The following BRIP1 variants were observed in gnomAD, a reference collection of about 807,000 sequenced individuals.
BRIP1 encodes the protein Fanconi anemia group J protein.
Under a neutral mutation model 119.7 loss-of-function variants are expected in BRIP1, and 88 were observed. That is an observed-to-expected ratio of 0.74 (90% CI 0.62 to 0.88). The LOEUF is 0.88. BRIP1 is among the 40% of genes least tolerant of loss of function. BRIP1 has a pLI of 0.00. For missense variants in BRIP1, 1,259 were observed against 1,455.4 expected (o/e 0.87, Z 2.20); for synonymous variants, 443 against 496.5 (o/e 0.89, Z 1.43).
In BRIP1 at chr17:61,776,652, G is replaced by T; in HGVS notation, c.1936-90C>A. 1 of 1,359,274 alleles carries T rather than the reference G, an allele frequency of 7.4e-7. No individual in the cohort carries two copies. Among genetic ancestry groups the T allele is most frequent in the Non-Finnish European group, 1.0e-6 (1 of 954,028 alleles). The allele number at this position is 1,359,274 out of a possible 1,614,324, so 84.2% of individuals were successfully genotyped here. A position where few individuals can be genotyped will look rare whatever the true frequency, so the allele number is the denominator to read the frequency against. ...TGGAAGTATGTACATAAAAGATCAA[G>T]CAACAAGTTTAACAATTTATTTTTA... is the stretch of plus-strand genomic sequence containing the variant. On this transcript the variant is annotated intron_variant, in intron 13 of 19. Transcript: ENST00000259008. This position sits in a 1 kb window ranked among gnomAD's most constrained non-coding sequence, Gnocchi z 5.0.
At chr17:61,788,322 A>G (rs2077764702) in intron 10 of BRIP1, among the ~76,000 whole-genome samples, 1 of 152,096 alleles carries the variant, frequency 6.6e-6, no homozygotes, top group East Asian at 1.9e-4. Context: ...AATTTTATTG[A>G]AAGATAGGAA....
chr17:61,772,051 A>G (rs2077456280), intron 14 of BRIP1, among the ~76,000 whole-genome samples: 1 of 151,444 alleles, frequency 6.6e-6, no homozygotes. Context: ...AAGGTCACAA[A>G]TAGATATTTG....
In BRIP1 at chr17:61,759,040, A is replaced by AAATAAATAAATG. The variant is rs1405606072; in HGVS notation, c.2098-14450_2098-14449insCATTTATTTATT. Among the ~76,000 whole-genome samples, 1 of 151,300 alleles carries AAATAAATAAATG rather than the reference A, an allele frequency of 6.6e-6. No homozygotes were observed. Among genetic ancestry groups the AAATAAATAAATG allele is most frequent in the Non-Finnish European group, 1.5e-5 (1 of 67,856 alleles). On this transcript the variant is annotated intron_variant, in intron 14 of 19. Coordinates refer to ENST00000259008, the MANE Select transcript of BRIP1 (RefSeq NM_032043.3). The surrounding 1 kb of genome is among the most constrained non-coding windows in gnomAD (Gnocchi z 4.9). The stretch of plus-strand genomic sequence containing the variant: ...TAAATAAATAAATAAATAAATAAAT[A>AAATAAATAAATG]AATGGCAGTAATAACTCTTTACCTT...
chr17:61,851,224 T>C lies in BRIP1; in HGVS notation c.380-1968A>G, dbSNP rs561398193. On this transcript the variant is annotated intron_variant, in intron 4 of 19. Coordinates refer to ENST00000259008, the MANE Select transcript of BRIP1 (RefSeq NM_032043.3). The surrounding 1 kb of genome is among the most constrained non-coding windows in gnomAD (Gnocchi z 4.6). ...GCCTAGGTGACAGAACGAGACTCCA[T>C]CTCAAAAAAAGAAAAAAAAAGAAAT... is the stretch of plus-strand genomic sequence containing the variant. Among the ~76,000 whole-genome samples, 1 of 151,802 alleles carries C rather than the reference T, an allele frequency of 6.6e-6. No homozygotes were observed. The highest frequency in any genetic ancestry group is 6.6e-5 in the Admixed American group (1 of 15,252).
rs559096893 is a variant in BRIP1, at chr17:61,715,833, T to G, written c.2492+118A>C. On this transcript the variant is annotated intron_variant, in intron 17 of 19. Coordinates refer to ENST00000259008, the MANE Select transcript of BRIP1 (RefSeq NM_032043.3). Reference sequence around the variant, plus strand: ...CTATCATTGAATACATACCAGTTCCTATGGTTCCAGTTAAATAAAATTTTA... The same window carrying G: ...CTATCATTGAATACATACCAGTTCCGATGGTTCCAGTTAAATAAAATTTTA... The G allele has an allele frequency of 9.3e-5, 59 of 636,062 alleles. 1 individual carries two copies. Among genetic ancestry groups the G allele is most frequent in the Middle Eastern group, 6.3e-4 (2 of 3,200 alleles). 39.4% of individuals were successfully genotyped at this position (636,062 alleles called of 1,614,324 possible). A position where few individuals can be genotyped will look rare whatever the true frequency, so the allele number is the denominator to read the frequency against.
In BRIP1 at chr17:61,683,979, G is replaced by A. The variant is rs2144089488; in HGVS notation, c.3067C>T (p.Leu1023Phe). 6.2e-7 allele frequency: 1 copy of A among 1,614,116 alleles called. No homozygotes were observed. Among genetic ancestry groups the A allele is most frequent in the Non-Finnish European group, 8.5e-7 (1 of 1,179,988 alleles). Residue 1023 changes from leucine to phenylalanine, a missense_variant, in exon 20 of 20, where the codon CTC becomes TTC. Around this residue, in one of 3 missense-constraint regions of BRIP1, gnomAD observed 753 missense variants for 891.8 expected, o/e 0.84. Coordinates refer to ENST00000259008, the MANE Select transcript of BRIP1 (RefSeq NM_032043.3). This position sits in a 1 kb window ranked among gnomAD's most constrained non-coding sequence, Gnocchi z 4.7. ...GAGGCACTATTCTCTGATGACCCGA[G>A]CTCAGGTGTTGCCTTCGGTATTTTA... ...TGKIPKATPELGSSENSASSP... is the reference protein window; with the variant it reads ...TGKIPKATPEFGSSENSASSP...
chr17:61,801,978 A>G (rs2078003263), intron 7 of BRIP1, among the ~76,000 whole-genome samples: 1 of 152,138 alleles, frequency 6.6e-6, no homozygotes, highest in South Asian at 2.1e-4. Flanking sequence ...GTAAGTAGGT[A>G]GGTTGGAATG....
intron 8 of BRIP1, among the ~76,000 whole-genome samples, chr17:61,800,111 C>A (rs902229275): frequency 1.1e-4 from 16 of 152,082 alleles, no homozygotes; most frequent in African/African-American, 3.4e-4. Flanking sequence ...TATCTTTGTT[C>A]CATAAGCAAG....
In BRIP1 at chr17:61,743,608, A is replaced by G. The variant is rs1438835770; in HGVS notation, c.2258-474T>C. Among the ~76,000 whole-genome samples the G allele has an allele frequency of 6.6e-6, 1 of 152,190 alleles. No homozygotes were observed. The highest frequency in any genetic ancestry group is 1.5e-5 in the Non-Finnish European group (1 of 68,028). On this transcript the variant is annotated intron_variant, in intron 15 of 19. Transcript: ENST00000259008. The surrounding 1 kb of genome is among the most constrained non-coding windows in gnomAD (Gnocchi z 4.3). The stretch of plus-strand genomic sequence containing the variant: ...CATAATATATACACCATAAAAAGAT[A>G]CTGATATGTTATATTACCTCTTTCT...
At chr17:61,787,133 T>A (rs1432823857) in intron 10 of BRIP1, among the ~76,000 whole-genome samples, 1 of 108,792 alleles carries the variant, frequency 9.2e-6, no homozygotes, top group Non-Finnish European at 1.6e-5. Context: ...TATTATATAC[T>A]ATATAAAATA....
In BRIP1 at chr17:61,689,199, A is replaced by G. The variant is rs965815514; in HGVS notation, c.2576-3034T>C. On this transcript the variant is annotated intron_variant, in intron 18 of 19. Coordinates refer to ENST00000259008, the MANE Select transcript of BRIP1 (RefSeq NM_032043.3). The surrounding 1 kb of genome is among the most constrained non-coding windows in gnomAD (Gnocchi z 4.5). ...GCTGGGACTACAGGCATGTACCACC[A>G]CACCCGGCTAATTGTCGTATTTTTA... is the stretch of plus-strand genomic sequence containing the variant. Among the ~76,000 whole-genome samples the G allele has an allele frequency of 1.3e-5, 2 of 151,922 alleles. No homozygotes were observed. The highest frequency in any genetic ancestry group is 2.9e-5 in the Non-Finnish European group (2 of 67,990).
At chr17:61,813,626 T>A (rs963378675) in intron 6 of BRIP1, among the ~76,000 whole-genome samples, 1 of 152,114 alleles carries the variant, frequency 6.6e-6, no homozygotes, top group Non-Finnish European at 1.5e-5. Flanking sequence ...AGAAAAACCA[T>A]CTTATGCTAG....
chr17:61,797,617 A>C (rs1413005339), intron 9 of BRIP1, among the ~76,000 whole-genome samples: 3 of 152,088 alleles, frequency 2.0e-5, no homozygotes, highest in Admixed American at 1.3e-4. Flanking sequence ...AAAAATCTGC[A>C]TGGCAAAACA....
rs2078773799 is a variant in BRIP1 at position 61,848,933 on chromosome 17, A to G, written c.507+196T>C. ...CACCATGCAGTTTCACTTGAACGAC[A>G]TGTTACTGTGAATAATCTGCTATAA... On this transcript the variant is annotated intron_variant, in intron 5 of 19. Coordinates refer to ENST00000259008, the MANE Select transcript of BRIP1 (RefSeq NM_032043.3). This position sits in a 1 kb window ranked among gnomAD's most constrained non-coding sequence, Gnocchi z 4.3. Among the ~76,000 whole-genome samples the G allele has an allele frequency of 6.6e-6, 1 of 152,212 alleles. No individual in the cohort carries two copies. The highest frequency in any genetic ancestry group is 1.5e-5 in the Non-Finnish European group (1 of 68,034).
In BRIP1 at chr17:61,863,320, C is replaced by T. The variant is rs903233706; in HGVS notation, c.-67G>A. 6.6e-6 allele frequency: 1 copy of T among 152,118 alleles called. No individual in the cohort carries two copies. The highest frequency in any genetic ancestry group is 1.5e-5 in the Non-Finnish European group (1 of 68,052). 9.4% of individuals were successfully genotyped at this position (152,118 alleles called of 1,614,324 possible). On this transcript the variant is annotated 5_prime_UTR_variant, in exon 1 of 20. Coordinates refer to ENST00000259008, the MANE Select transcript of BRIP1 (RefSeq NM_032043.3). Reference sequence around the variant, plus strand: ...GAAACCGAAGCAACGCTCTGAGCTCCGATTCACTGAAGAAAAGGAAAGGAA... The same window carrying T: ...GAAACCGAAGCAACGCTCTGAGCTCTGATTCACTGAAGAAAAGGAAAGGAA...
chr17:61,715,813 A>G (rs573175481), intron 17 of BRIP1, 138 bp downstream of exon 17: 7 of 512,272 alleles, frequency 1.4e-5, no homozygotes, highest in Non-Finnish European at 2.4e-5. Context: ...GACAGCTATC[A>G]TTGAATACAT....
At chr17:61,764,500 C>T (rs367579791) in intron 14 of BRIP1, among the ~76,000 whole-genome samples, 153 of 152,248 alleles carry the variant, frequency 1.0e-3, no homozygotes, top group African/African-American at 3.0e-3. Context: ...ATCAAGTTAA[C>T]GTCCCTCCTG....
rs2061661547 is a variant in BRIP1, at chr17:61,704,467, T to C, written c.2493-10955A>G. 6.6e-6 allele frequency among the ~76,000 whole-genome samples: 1 copy of C among 152,180 alleles called. No individual in the cohort carries two copies. Among genetic ancestry groups the C allele is most frequent in the Admixed American group, 6.5e-5 (1 of 15,282 alleles). The stretch of plus-strand genomic sequence containing the variant: ...TTTCTTTGCTAGATAGCTATGCGTG[T>C]TATCTGTTTCATCTTGGCCTCATAA... On this transcript the variant is annotated intron_variant, in intron 17 of 19. Coordinates refer to ENST00000259008, the MANE Select transcript of BRIP1 (RefSeq NM_032043.3). The surrounding 1 kb of genome is among the most constrained non-coding windows in gnomAD (Gnocchi z 5.7).
intron 17 of BRIP1, among the ~76,000 whole-genome samples, chr17:61,714,451 A>C (rs566772343): frequency 1.4e-4 from 21 of 152,256 alleles, no homozygotes; most frequent in African/African-American, 4.8e-4. Context: ...TTGTGTTACA[A>C]TTGTCTATAG....
Sources: allele counts gnomAD v4.1 joint callset (sites outside exome capture counted in the v4.1 genomes callset), GRCh38; gene constraint gnomAD v4.1.1; regional missense constraint gnomAD v4.1.1; non-coding constraint Gnocchi (gnomAD v3.1); transcripts MANE v1.5; gene names NCBI Gene and HGNC (gene_info 2026-07-23, HGNC 2026-07-21).